CCAR1: variants seen among roughly 807,000 people sequenced by gnomAD.
CCAR1 encodes cell division cycle and apoptosis regulator protein 1.
A neutral mutation model predicts 163.8 loss-of-function variants in CCAR1; 78 were observed. The observed-to-expected ratio is 0.48, with a 90% confidence interval of 0.40 to 0.57. The LOEUF (loss-of-function observed/expected upper bound fraction) is 0.57, where lower values mean the gene tolerates loss of function less well. CCAR1 is among the 20% of genes least tolerant of loss of function. The pLI is 0.00. For missense variants in CCAR1, 1,019 were observed against 1,365.2 expected, an observed-to-expected ratio of 0.75 and a Z score of 4.00; for synonymous variants, 443 against 460.7, an observed-to-expected ratio of 0.96 and a Z score of 0.49.
intron 16 of CCAR1, among the ~76,000 whole-genome samples, chr10:68,763,716 G>A (rs572422896): frequency 9.2e-5 from 14 of 152,286 alleles, no homozygotes; most frequent in African/African-American, 2.2e-4. Context: ...CCAAAGTGCT[G>A]GGATTACAGG....
At chr10:68,753,326 C>T (rs1359517311) in intron 10 of CCAR1, among the ~76,000 whole-genome samples, 3 of 152,080 alleles carry the variant, frequency 2.0e-5, no homozygotes, top group Non-Finnish European at 4.4e-5. Context: ...TGCAGATAAT[C>T]CAAGGAACAT....
At chr10:68,778,357 GGCAGTTCTTTCTGCTA>G (rs1321626928) in intron 19 of CCAR1, among the ~76,000 whole-genome samples, 1 of 152,090 alleles carries the variant, frequency 6.6e-6, no homozygotes, top group East Asian at 1.9e-4. Flanking sequence ...GATTTACATT[GGCAGTTCTTTCTGCTA>G]GCAGGGTCTT....
chr10:68,743,184 C>CTTTCTT (rs1357004089), intron 6 of CCAR1, among the ~76,000 whole-genome samples: 2 of 148,742 alleles, frequency 1.3e-5, no homozygotes, highest in African/African-American at 2.5e-5. Context: ...ACTCTTCTTT[C>CTTTCTT]TTTCTTTTTC....
chr10:68,722,645 C>A, intron 2 of CCAR1, 68 bp downstream of exon 2: 2 of 1,250,164 alleles, frequency 1.6e-6, no homozygotes, highest in Non-Finnish European at 1.2e-6. Context: ...TGAATTAGGG[C>A]CGGGGGTGGT....
chr10:68,770,784 T>A (rs2056591769), intron 17 of CCAR1, among the ~76,000 whole-genome samples: 1 of 151,966 alleles, frequency 6.6e-6, no homozygotes, highest in Non-Finnish European at 1.5e-5. Context: ...TGTGTTAAAA[T>A]GTTTGATAAG....
At chr10:68,775,844 G>A (rs2056660199) in intron 19 of CCAR1, among the ~76,000 whole-genome samples, 1 of 151,882 alleles carries the variant, frequency 6.6e-6, no homozygotes, top group African/African-American at 2.4e-5. Context: ...TTACAGGCAT[G>A]TGGCACCACA....
chr10:68,777,863 C>T (rs1164875847), intron 19 of CCAR1, among the ~76,000 whole-genome samples: 1 of 151,696 alleles, frequency 6.6e-6, no homozygotes, highest in East Asian at 1.9e-4. Context: ...GCCCGGGAGG[C>T]GGAGGTTGCA....
intron 17 of CCAR1, among the ~76,000 whole-genome samples, chr10:68,767,949 A>G (rs1465650851): frequency 6.6e-6 from 1 of 152,242 alleles, no homozygotes; most frequent in African/African-American, 2.4e-5. Context: ...AATTTCCAAC[A>G]TATTAATTTT....
chr10:68,750,137 G>A (rs906115917), intron 10 of CCAR1, among the ~76,000 whole-genome samples: 8 of 151,312 alleles, frequency 5.3e-5, no homozygotes, highest in African/African-American at 1.5e-4. Context: ...GTATGTGTAT[G>A]TATATACATA....
rs755346288 is a variant in CCAR1, at chr10:68,749,131, TAA to T, written c.827-3_827-2del. The stretch of plus-strand genomic sequence containing the variant: ...CTAAACGTTTTTTTCTTTTATCTTT[TAA>T]AGCTGGTTTATTGCAGCCTCCTGTT... On this transcript the variant is annotated splice_region_variant and splice_polypyrimidine_tract_variant and intron_variant, in intron 8 of 24. Transcript: ENST00000265872. The T allele has an allele frequency of 1.9e-6, 3 of 1,613,896 alleles. No individual in the cohort carries two copies. Among genetic ancestry groups the T allele is most frequent in the Non-Finnish European group, 2.5e-6 (3 of 1,179,984 alleles).
At chr10:68,737,131 G>A (rs1478447589) in intron 3 of CCAR1, 83 bp downstream of exon 3, 4 of 892,500 alleles carry the variant, frequency 4.5e-6, no homozygotes, top group Non-Finnish European at 7.0e-6. Flanking sequence ...TCATTTTACA[G>A]GTAGTGAAGA....
chr10:68,773,340 C>G (rs2056626047), intron 19 of CCAR1, among the ~76,000 whole-genome samples: 1 of 151,908 alleles, frequency 6.6e-6, no homozygotes, highest in Non-Finnish European at 1.5e-5. Context: ...AACAAATTTC[C>G]CGGAACATGG....
In CCAR1 at chr10:68,737,873, A is replaced by G. The variant is rs2056132613; in HGVS notation, c.275A>G (p.Tyr92Cys). 1 of 1,596,648 alleles carries G rather than the reference A, an allele frequency of 6.3e-7. No homozygotes were observed. The highest frequency in any genetic ancestry group is 8.5e-7 in the Non-Finnish European group (1 of 1,173,846). ...QQYSQPQQAL[Y>C]SVQQQLQQPQ... ...TATTCACAACCTCAGCAGGCCCTGT[A>G]TAGTGTGCAACAACAGGTTAGTTTA... Residue 92 changes from tyrosine to cysteine, a missense_variant, in exon 4 of 25, where the codon TAT becomes TGT. Tyr to Cys is a radical substitution (Grantham distance 194). This residue lies in a region of CCAR1 where 644 missense variants were observed against 904.4 expected (regional missense o/e 0.71). Transcript: ENST00000265872.
rs552808276 is a variant in CCAR1, at chr10:68,777,166, C to G, written c.2650+4067C>G. Among the ~76,000 whole-genome samples, 421 of 152,264 alleles carry G rather than the reference C, an allele frequency of 2.8e-3. 3 individuals are homozygous for G. Among genetic ancestry groups the G allele is most frequent in the African/African-American group, 9.5e-3 (393 of 41,552 alleles). On this transcript the variant is annotated intron_variant, in intron 19 of 24. Coordinates refer to ENST00000265872, the MANE Select transcript of CCAR1 (RefSeq NM_018237.4). ...TTTTCATAACTTATCCAGAATCAGTCCACTTCTTACGAATTCCACTAATTT... is the reference window on the plus strand; with the variant it reads ...TTTTCATAACTTATCCAGAATCAGTGCACTTCTTACGAATTCCACTAATTT...
intron 16 of CCAR1, among the ~76,000 whole-genome samples, chr10:68,762,274 A>T (rs1209398021): frequency 1.3e-5 from 2 of 151,866 alleles, no homozygotes; most frequent in Admixed American, 6.6e-5. Context: ...GCTTGCAGTG[A>T]GCCCAGATTG....
At chr10:68,759,441 G>T (rs1589172888) in intron 15 of CCAR1, 1 of 153,850 alleles carries the variant, frequency 6.5e-6, no homozygotes, top group South Asian at 2.0e-4. Flanking sequence ...TGTGTGTAAG[G>T]TTGCAGCTGG....
At chr10:68,778,941 C>T (rs1346781526) in intron 19 of CCAR1, among the ~76,000 whole-genome samples, 1 of 152,216 alleles carries the variant, frequency 6.6e-6, no homozygotes, top group Admixed American at 6.5e-5. Flanking sequence ...ACCTCCGCCT[C>T]CCGGATTCAA....
At chr10:68,744,016 T>C (rs1444267478) in intron 6 of CCAR1, among the ~76,000 whole-genome samples, 7 of 152,226 alleles carry the variant, frequency 4.6e-5, no homozygotes, top group Admixed American at 4.6e-4. Context: ...CCTAAAGTGC[T>C]GGGATTACAG....
chr10:68,739,070 C>G (rs1016486954), intron 4 of CCAR1, among the ~76,000 whole-genome samples: 7 of 152,194 alleles, frequency 4.6e-5, no homozygotes, highest in African/African-American at 1.7e-4. Flanking sequence ...GACACATTCT[C>G]TAGGAACTGT....
Sources: allele counts gnomAD v4.1 joint callset (sites outside exome capture counted in the v4.1 genomes callset), GRCh38; gene constraint gnomAD v4.1.1; regional missense constraint gnomAD v4.1.1; transcripts MANE v1.5; gene names NCBI Gene and HGNC (gene_info 2026-07-23, HGNC 2026-07-21).